The following PTTG1IP2 variants were observed in gnomAD, a reference collection of about 807,000 sequenced individuals.
PTTG1IP2 encodes the protein PTTG1IP family member 2.
chr7:90,503,520 G>T (rs1271562178), intron 6 of PTTG1IP2, among the ~76,000 whole-genome samples: 8 of 152,200 alleles, frequency 5.3e-5, no homozygotes, highest in Non-Finnish European at 1.2e-4. Context: ...GCTTTTGATT[G>T]AAAGTGAGAG....
At chr7:90,509,576 A>G (rs909498624) in intron 6 of PTTG1IP2, among the ~76,000 whole-genome samples, 1 of 152,196 alleles carries the variant, frequency 6.6e-6, no homozygotes, top group Non-Finnish European at 1.5e-5. Context: ...AACTCCAACC[A>G]GAAGCTGGAA....
chr7:90,486,322 A>G (rs1249555717), intron 2 of PTTG1IP2, among the ~76,000 whole-genome samples: 1 of 152,142 alleles, frequency 6.6e-6, no homozygotes. Flanking sequence ...GTTCTCATCT[A>G]TAAAGTGGAC....
At chr7:90,470,401 T>C (rs1174536965) in intron 1 of PTTG1IP2, 2 of 152,206 alleles carry the variant, frequency 1.3e-5, no homozygotes, top group African/African-American at 4.8e-5. Flanking sequence ...AATTTTGAAA[T>C]GTTAAAAGTC....
At chr7:90,474,937 A>G (rs907658058) in intron 1 of PTTG1IP2, among the ~76,000 whole-genome samples, 48 of 152,226 alleles carry the variant, frequency 3.2e-4, no homozygotes, top group African/African-American at 1.2e-3. Context: ...GGAAATGACT[A>G]AGCTGGCAAG....
intron 6 of PTTG1IP2, among the ~76,000 whole-genome samples, chr7:90,507,888 A>C (rs1051261924): frequency 6.6e-6 from 1 of 152,142 alleles, no homozygotes; most frequent in Admixed American, 6.5e-5. Context: ...ATAAAGAGGA[A>C]CTTTACAGGG....
intron 2 of PTTG1IP2, among the ~76,000 whole-genome samples, chr7:90,482,507 C>G (rs1314394481): frequency 1.1e-5 from 1 of 91,700 alleles, no homozygotes; most frequent in East Asian, 5.0e-4. Flanking sequence ...CATTTACAAC[C>G]CCCCCCCCAC....
chr7:90,482,598 GCTAA>G (rs1187250190), intron 2 of PTTG1IP2, among the ~76,000 whole-genome samples: 1 of 150,526 alleles, frequency 6.6e-6, no homozygotes, highest in African/African-American at 2.5e-5. Flanking sequence ...CAAAAATCAG[GCTAA>G]CTAAAAAAGG....
chr7:90,477,077 C>A lies in PTTG1IP2; in HGVS notation c.146-2151C>A, dbSNP rs536821053. 1.7e-4 allele frequency among the ~76,000 whole-genome samples: 26 copies of A among 152,094 alleles called. No homozygotes were observed. In the East Asian group the frequency reaches 4.8e-3, roughly 28 times the overall value. The stretch of plus-strand genomic sequence containing the variant: ...ATTTCAGACATTGGTAGGAGTGGAA[C>A]CAGTTGAAGAAACTGAAAAAGAAAG... On this transcript the variant is annotated intron_variant, in intron 1 of 6. Coordinates refer to ENST00000509356, the MANE Select transcript of PTTG1IP2 (RefSeq NM_001365443.2).
At position 90,473,477 on chromosome 7, in the gene PTTG1IP2, A is replaced by G. The variant is rs932836743; in HGVS notation, c.145+3546A>G. Among the ~76,000 whole-genome samples, 71 of 152,196 alleles carry G rather than the reference A, an allele frequency of 4.7e-4. 1 individual carries two copies. Among genetic ancestry groups the G allele is most frequent in the Non-Finnish European group, 8.8e-5 (6 of 68,034 alleles). ...CTCCCAGAAAAGTATAGCATCCCCA[A>G]GGTAAATGGGGAAGGAGCAAACCCT... is the stretch of plus-strand genomic sequence containing the variant. On this transcript the variant is annotated intron_variant, in intron 1 of 6. Coordinates refer to ENST00000509356, the MANE Select transcript of PTTG1IP2 (RefSeq NM_001365443.2).
chr7:90,508,917 G>T (rs752208890), intron 6 of PTTG1IP2, among the ~76,000 whole-genome samples: 2 of 152,114 alleles, frequency 1.3e-5, no homozygotes, highest in African/African-American at 4.8e-5. Flanking sequence ...ACATGTGTGC[G>T]CAGTGGCCCT....
chr7:90,484,760 G>A (rs1433451276), intron 2 of PTTG1IP2, among the ~76,000 whole-genome samples: 2 of 152,138 alleles, frequency 1.3e-5, no homozygotes, highest in African/African-American at 4.8e-5. Flanking sequence ...ACAATATTGG[G>A]AAGACCAGGT....
At chr7:90,509,195 G>A (rs1798157644) in intron 6 of PTTG1IP2, among the ~76,000 whole-genome samples, 1 of 151,386 alleles carries the variant, frequency 6.6e-6, no homozygotes, top group South Asian at 2.1e-4. Context: ...TTGGGGGGAT[G>A]GGGAAGTGGG....
rs1015873015 is a variant in PTTG1IP2 at position 90,471,271 on chromosome 7, C to G, written c.145+1340C>G. On this transcript the variant is annotated intron_variant, in intron 1 of 6. Transcript: ENST00000509356. The stretch of plus-strand genomic sequence containing the variant: ...CTGAAAAGGGGCTTCTAAGCCTTCA[C>G]GAGATCCTCATCTATGTCCCAGATT... 1.4e-4 allele frequency among the ~76,000 whole-genome samples: 21 copies of G among 152,148 alleles called. 1 individual carries two copies. The highest frequency in any genetic ancestry group is 2.6e-4 in the Non-Finnish European group (18 of 68,028).
At chr7:90,501,263 G>A (rs1798057907) in intron 6 of PTTG1IP2, among the ~76,000 whole-genome samples, 1 of 152,190 alleles carries the variant, frequency 6.6e-6, no homozygotes, top group African/African-American at 2.4e-5. Context: ...ATTAAAGCCA[G>A]TCACACATTA....
chr7:90,508,190 A>G (rs1798145693), intron 6 of PTTG1IP2, among the ~76,000 whole-genome samples: 1 of 151,622 alleles, frequency 6.6e-6, no homozygotes, highest in Non-Finnish European at 1.5e-5. Flanking sequence ...TTGCTTCAGC[A>G]CAAGAAGCAG....
intron 6 of PTTG1IP2, among the ~76,000 whole-genome samples, chr7:90,501,982 T>C (rs1798066423): frequency 6.6e-6 from 1 of 152,238 alleles, no homozygotes; most frequent in Non-Finnish European, 1.5e-5. Flanking sequence ...ATTTATGTAA[T>C]ATTCTAAACC....
chr7:90,509,798 G>GCAGT (rs1443846869), intron 6 of PTTG1IP2, among the ~76,000 whole-genome samples: 21 of 152,160 alleles, frequency 1.4e-4, no homozygotes, highest in Non-Finnish European at 1.5e-5. Flanking sequence ...GTGCTGAGGT[G>GCAGT]CAGTATAAGG....
At chr7:90,505,305 A>C (rs564545265) in intron 6 of PTTG1IP2, among the ~76,000 whole-genome samples, 1 of 152,364 alleles carries the variant, frequency 6.6e-6, no homozygotes, top group African/African-American at 2.4e-5. Context: ...TAGCAGAGAA[A>C]GCTATTGTTG....
chr7:90,477,793 T>C (rs1797766155), intron 1 of PTTG1IP2, among the ~76,000 whole-genome samples: 1 of 151,954 alleles, frequency 6.6e-6, no homozygotes, highest in Non-Finnish European at 1.5e-5. Context: ...TGTACCATGG[T>C]AGTGTAAGGT....
Sources: gnomAD v4.1 joint callset for allele counts (sites outside exome capture counted in the v4.1 genomes callset) on GRCh38, gnomAD v4.1.1 for gene constraint, MANE v1.5 for transcripts, NCBI Gene and HGNC (gene_info 2026-07-23, HGNC 2026-07-21) for gene names.